The following AKT3 variants were observed in gnomAD, a reference collection of about 807,000 sequenced individuals.
AKT3 encodes AKT serine/threonine kinase 3.
In AKT3, 15 loss-of-function variants were observed where a neutral mutation model predicts 65.3. The observed-to-expected ratio is 0.23, with a 90% confidence interval of 0.15 to 0.35. AKT3 has a LOEUF of 0.35. Among genes scored for constraint, AKT3 ranks in the 10% least tolerant of loss-of-function variants. The pLI, the probability that AKT3 is intolerant of heterozygous loss-of-function variation, is 1.00. For missense variants in AKT3, 243 were observed against 576.5 expected (o/e 0.42, Z 5.92); for synonymous variants, 206 against 183.8 (o/e 1.12, Z -0.98).
chr1:243,521,219 T>C (rs1409675543), intron 12 of AKT3, among the ~76,000 whole-genome samples: 1 of 152,226 alleles, frequency 6.6e-6, no homozygotes, highest in East Asian at 1.9e-4. Context: ...CACCACTTTG[T>C]GTTGGCATAT....
chr1:243,847,924 T>C (rs1280301719), intron 1 of AKT3, among the ~76,000 whole-genome samples: 1 of 152,140 alleles, frequency 6.6e-6, no homozygotes. Context: ...AAAATTAATT[T>C]TAAATTGGAA....
intron 2 of AKT3, among the ~76,000 whole-genome samples, chr1:243,792,316 AAT>A (rs1691682218): frequency 6.6e-6 from 1 of 152,192 alleles, no homozygotes; most frequent in African/African-American, 2.4e-5. Context: ...TTAACTCAAA[AAT>A]ATGTCTCCAA....
chr1:243,718,144 A>G (rs1432224915), intron 2 of AKT3, among the ~76,000 whole-genome samples: 2 of 152,182 alleles, frequency 1.3e-5, no homozygotes, highest in Non-Finnish European at 2.9e-5. Context: ...CCCAAGGCTC[A>G]GCTGAGGTGG....
chr1:243,710,990 T>A (rs1238332097), intron 2 of AKT3, among the ~76,000 whole-genome samples: 1 of 152,210 alleles, frequency 6.6e-6, no homozygotes, highest in Non-Finnish European at 1.5e-5. Context: ...CTGAGGTTAC[T>A]TTTTTAAGTA....
intron 2 of AKT3, among the ~76,000 whole-genome samples, chr1:243,716,981 ATCT>A (rs1277064093): frequency 6.6e-6 from 1 of 152,134 alleles, no homozygotes; most frequent in Non-Finnish European, 1.5e-5. Context: ...ACTTTCTTTT[ATCT>A]TCTTCAGGGA....
At chr1:243,761,056 T>G (rs1689463213) in intron 2 of AKT3, among the ~76,000 whole-genome samples, 1 of 152,170 alleles carries the variant, frequency 6.6e-6, no homozygotes, top group South Asian at 2.1e-4. Context: ...GGCCCCTTTA[T>G]GTAACATAAC....
At chr1:243,693,250 A>ATATATATG (rs1684829615) in intron 3 of AKT3, among the ~76,000 whole-genome samples, 3 of 37,800 alleles carry the variant, frequency 7.9e-5, no homozygotes, top group African/African-American at 3.8e-4. Context: ...TTTGATATAT[A>ATATATATG]TATATATATA....
intron 2 of AKT3, among the ~76,000 whole-genome samples, chr1:243,775,601 C>A (rs1440179513): frequency 1.3e-5 from 2 of 152,104 alleles, no homozygotes; most frequent in African/African-American, 4.8e-5. Context: ...CAATGACTAC[C>A]AAAAACGAAA....
chr1:243,631,744 A>C (rs1249737715), intron 6 of AKT3, among the ~76,000 whole-genome samples: 1 of 152,182 alleles, frequency 6.6e-6, no homozygotes. Flanking sequence ...TGCTTTATCA[A>C]CTAAGTTTAT....
At chr1:243,648,666 A>C (rs1681034700) in intron 4 of AKT3, among the ~76,000 whole-genome samples, 1 of 152,138 alleles carries the variant, frequency 6.6e-6, no homozygotes. Flanking sequence ...TTCTAACTTA[A>C]ATGTTTGACA....
intron 12 of AKT3, among the ~76,000 whole-genome samples, chr1:243,520,358 G>A (rs898678009): frequency 5.9e-5 from 9 of 152,088 alleles, no homozygotes; most frequent in African/African-American, 1.7e-4. Context: ...TTGGACTTTC[G>A]CCAGAAATAT....
Position 243,637,066 on chromosome 1 carries a change from A to G in AKT3, c.561+545T>C, listed in dbSNP as rs532766507. Among the ~76,000 whole-genome samples, 8 of 152,228 alleles carry G rather than the reference A, an allele frequency of 5.3e-5. No homozygotes were observed. The South Asian group carries it at 1.2e-3, about 24-fold the overall frequency. On this transcript the variant is annotated intron_variant, in intron 6 of 13. Transcript: ENST00000673466. ...TGAGGGAATTGGGATTTTGTTCAGA[A>G]CTCTGAGTGAGAACTGACATCATTA...
intron 3 of AKT3, among the ~76,000 whole-genome samples, chr1:243,686,107 G>T (rs1684271672): frequency 6.6e-6 from 1 of 152,092 alleles, no homozygotes; most frequent in African/African-American, 2.4e-5. Flanking sequence ...AATAAGAGAG[G>T]ACACAAACAA....
At chr1:243,636,660 T>C (rs764415299) in intron 6 of AKT3, among the ~76,000 whole-genome samples, 2 of 152,084 alleles carry the variant, frequency 1.3e-5, no homozygotes, top group Non-Finnish European at 2.9e-5. Flanking sequence ...CCTCCTCAGT[T>C]ACTGTGATAA....
rs116210811 is a variant in AKT3, at chr1:243,585,749, T to G, written c.697-12701A>C. On this transcript the variant is annotated intron_variant, in intron 8 of 13. Transcript: ENST00000673466. ...TATACAAAAATTAACTCAATATTGG[T>G]TAAAGATTTAAACGTAAAACCTCAA... 7.5e-3 allele frequency among the ~76,000 whole-genome samples: 1,141 copies of G among 152,250 alleles called. 16 individuals are homozygous for G. The highest frequency in any genetic ancestry group is 0.026 in the African/African-American group (1,077 of 41,526).
intron 2 of AKT3, among the ~76,000 whole-genome samples, chr1:243,728,312 C>T (rs1345884641): frequency 3.3e-5 from 5 of 152,186 alleles, no homozygotes; most frequent in Non-Finnish European, 7.3e-5. Context: ...ATTCTCAGTA[C>T]ATACTATCCT....
intron 5 of AKT3, among the ~76,000 whole-genome samples, chr1:243,641,277 C>T (rs558619981): frequency 4.0e-4 from 55 of 138,894 alleles, no homozygotes; most frequent in South Asian, 1.2e-3. Context: ...TATATATACA[C>T]ACACACACAC....
intron 8 of AKT3, among the ~76,000 whole-genome samples, chr1:243,600,754 C>A (rs2148573965): frequency 6.6e-6 from 1 of 152,242 alleles, no homozygotes; most frequent in South Asian, 2.1e-4. Context: ...CACCACCCAA[C>A]AGGTCTAGCT....
rs1393715712 is a variant in AKT3 at position 243,500,978 on chromosome 1, A to AAAT, written c.*4268_*4270dup. On this transcript the variant is annotated 3_prime_UTR_variant, in exon 14 of 14. Coordinates refer to ENST00000673466, the MANE Select transcript of AKT3 (RefSeq NM_005465.7). ...GTGAATAAATTATACAATATTCTAA[A>AAAT]AATAGCACCTTTAAAGAATTATAGA... is the stretch of plus-strand genomic sequence containing the variant. 4.4e-5 allele frequency: 10 copies of AAAT among 228,374 alleles called. No individual in the cohort carries two copies. Among genetic ancestry groups the AAAT allele is most frequent in the African/African-American group, 2.2e-4 (10 of 45,076 alleles). The allele number at this position is 228,374 out of a possible 1,614,324, so 14.1% of individuals were successfully genotyped here.
Sources: allele counts gnomAD v4.1 joint callset (sites outside exome capture counted in the v4.1 genomes callset), GRCh38; gene constraint gnomAD v4.1.1; transcripts MANE v1.5; gene names NCBI Gene and HGNC (gene_info 2026-07-23, HGNC 2026-07-21).